The following RAB44 variants were observed in gnomAD, a reference collection of about 807,000 sequenced individuals.
The protein encoded by RAB44 is ras-related protein Rab-44.
Under a neutral mutation model 93.3 loss-of-function variants are expected in RAB44, and 67 were observed. The observed-to-expected ratio is 0.72, with a 90% CI of 0.59 to 0.88. The LOEUF is 0.88. RAB44 is among the 40% of genes least tolerant of loss of function. The probability of loss-of-function intolerance (pLI) is 0.00; values close to 1 mark genes in which losing one functional copy is unlikely to be tolerated. For synonymous variants in RAB44, 427 were observed against 520.3 expected (o/e 0.82, Z 2.44); for missense variants, 1,064 against 1,261.7 (o/e 0.84, Z 2.37).
intron 2 of RAB44, among the ~76,000 whole-genome samples, chr6:36,705,891 T>C (rs181767195): frequency 6.7e-6 from 1 of 149,684 alleles, no homozygotes; most frequent in Admixed American, 6.7e-5. Flanking sequence ...GAAATTTGGA[T>C]TTATGTTGGA....
chr6:36,718,286 C>G (rs954292927), intron 6 of RAB44, among the ~76,000 whole-genome samples, 168 bp downstream of exon 6: 1 of 152,202 alleles, frequency 6.6e-6, no homozygotes, highest in Non-Finnish European at 1.5e-5. Flanking sequence ...TGGGGAGTGT[C>G]GAGCCTGGGC....
rs1166407151 is a variant in RAB44, at chr6:36,715,604, G to T, written c.445G>T (p.Ala149Ser). 3 of 1,536,074 alleles carry T rather than the reference G, an allele frequency of 2.0e-6. No individual in the cohort carries two copies. The highest frequency in any genetic ancestry group is 2.6e-6 in the Non-Finnish European group (3 of 1,146,928). Residue 149 changes from alanine to serine, a missense_variant, in exon 4 of 14, where the codon GCG becomes TCG. Transcript: ENST00000612677. ...GGAGGCGGATGCTGAGGAGAAGGAG[G>T]CGTTCCTTGCCTTCATGGAGCAGCT... ...LEEADAEEKE[A>S]FLAFMEQLGT...
intron 12 of RAB44, among the ~76,000 whole-genome samples, 197 bp from the exon 13 acceptor site, chr6:36,730,476 G>A (rs1318742487): frequency 1.3e-5 from 2 of 152,328 alleles, no homozygotes; most frequent in South Asian, 2.1e-4. Context: ...TTGGCCAGCC[G>A]GGGTGAAGGG....
chr6:36,726,777 G>C (rs1763247727), intron 10 of RAB44, among the ~76,000 whole-genome samples: 1 of 151,664 alleles, frequency 6.6e-6, no homozygotes, highest in African/African-American at 2.4e-5. Flanking sequence ...CAAAGACTGA[G>C]GACTCTCTTT....
chr6:36,719,733 G>A (rs1294410907), intron 7 of RAB44, among the ~76,000 whole-genome samples: 3 of 152,240 alleles, frequency 2.0e-5, no homozygotes, highest in Non-Finnish European at 2.9e-5. Context: ...CTGGAGAAGT[G>A]TGATATGTGG....
intron 2 of RAB44, among the ~76,000 whole-genome samples, chr6:36,705,609 C>T (rs946792156): frequency 6.6e-6 from 1 of 152,142 alleles, no homozygotes; most frequent in African/African-American, 2.4e-5. Flanking sequence ...TCTCGAGCTC[C>T]TGACTTCAGG....
intron 8 of RAB44, 86 bp downstream of exon 8, chr6:36,720,636 C>A: frequency 9.6e-7 from 1 of 1,043,394 alleles, no homozygotes; most frequent in South Asian, 5.0e-5. Flanking sequence ...AAGGATCTAG[C>A]TAGCACACAG....
chr6:36,699,703 C>G (rs150305435), intron 1 of RAB44, among the ~76,000 whole-genome samples: 3 of 152,310 alleles, frequency 2.0e-5, no homozygotes, highest in East Asian at 3.9e-4. Flanking sequence ...CTACCACTGA[C>G]ATCATGGCTG....
rs565860026 is a variant in RAB44, at chr6:36,723,836, C to CAAAAAAAAAAAAAAA, written c.2599+1107_2599+1121dup. On this transcript the variant is annotated intron_variant, in intron 9 of 13. Transcript: ENST00000612677. Reference sequence around the variant, plus strand: ...GGCGACAGAGCAAGATTCCGTCTCCCAAAAAAAAAAAAAAAAAAGCAAACC... The same window carrying CAAAAAAAAAAAAAAA: ...GGCGACAGAGCAAGATTCCGTCTCCCAAAAAAAAAAAAAAAAAAAAAAAAAAAAAAAAAGCAAACC... Among the ~76,000 whole-genome samples, 450 of 64,502 alleles carry CAAAAAAAAAAAAAAA rather than the reference C, an allele frequency of 7.0e-3. 33 individuals carry two copies. The highest frequency in any genetic ancestry group is 0.024 in the East Asian group (52 of 2,150). 42.3% of individuals were successfully genotyped at this position (64,502 alleles called of 152,430 possible).
At chr6:36,718,798 C>T (rs1301634550) in intron 7 of RAB44, among the ~76,000 whole-genome samples, 2 of 152,144 alleles carry the variant, frequency 1.3e-5, no homozygotes, top group Non-Finnish European at 2.9e-5. Context: ...ACTGACCTAG[C>T]TTCCTGCTTA....
chr6:36,725,805 T>C (rs1481179775), intron 9 of RAB44, 57 bp from the exon 10 acceptor site: 2 of 1,271,978 alleles, frequency 1.6e-6, no homozygotes, highest in Non-Finnish European at 2.2e-6. Flanking sequence ...GGGTAGGCCT[T>C]GGCTAGGAGT....
rs368450958 is a variant in RAB44, at chr6:36,725,176, A to AT, written c.2600-675dup. 5.3e-3 allele frequency among the ~76,000 whole-genome samples: 783 copies of AT among 147,168 alleles called. 6 individuals are homozygous for AT. The highest frequency in any genetic ancestry group is 0.013 in the African/African-American group (539 of 40,350). Reference sequence around the variant, plus strand: ...TGCTCTCTGGGTCACTTAAAACAGCATTTTTTTTTTTGAGATGGAGTTTCA... The same window carrying AT: ...TGCTCTCTGGGTCACTTAAAACAGCATTTTTTTTTTTTGAGATGGAGTTTCA... On this transcript the variant is annotated intron_variant, in intron 9 of 13. Transcript: ENST00000612677.
chr6:36,702,943 GA>G (rs927284410), intron 1 of RAB44, among the ~76,000 whole-genome samples: 1 of 152,224 alleles, frequency 6.6e-6, no homozygotes, highest in African/African-American at 2.4e-5. Flanking sequence ...AGGGGGCGGG[GA>G]GCAGTATGGA....
chr6:36,702,638 C>T (rs1450804212), intron 1 of RAB44, among the ~76,000 whole-genome samples: 3 of 152,212 alleles, frequency 2.0e-5, no homozygotes, highest in Non-Finnish European at 4.4e-5. Context: ...CCAAATCCTA[C>T]ATGCCTCCTG....
At chr6:36,707,957 T>C (rs1167511382) in intron 2 of RAB44, among the ~76,000 whole-genome samples, 2 of 152,184 alleles carry the variant, frequency 1.3e-5, no homozygotes, top group African/African-American at 2.4e-5. Context: ...CTGCCTGTAA[T>C]ACCAGGACTT....
chr6:36,722,485 C>A lies in RAB44; in HGVS notation c.2351C>A (p.Ala784Glu). Residue 784 changes from alanine to glutamate, a missense_variant, in exon 9 of 14, where the codon GCA becomes GAA. Coordinates refer to ENST00000612677, the MANE Select transcript of RAB44 (RefSeq NM_001257357.2). ...QPRPSLTTAHAEEQGPPHSRE... is the reference protein window; with the variant it reads ...QPRPSLTTAHEEEQGPPHSRE... ...AGGCCATCCCTCACGACTGCTCACG[C>A]AGAAGAACAAGGCCCGCCTCACTCC... 1 of 1,476,828 alleles carries A rather than the reference C, an allele frequency of 6.8e-7. No homozygotes were observed. The highest frequency in any genetic ancestry group is 1.4e-5 in the South Asian group (1 of 72,428). 91.5% of individuals were successfully genotyped at this position (1,476,828 alleles called of 1,614,324 possible).
intron 2 of RAB44, among the ~76,000 whole-genome samples, chr6:36,713,213 G>C (rs562116264): frequency 6.6e-6 from 1 of 151,990 alleles, no homozygotes; most frequent in Non-Finnish European, 1.5e-5. Flanking sequence ...TTATTTTTTT[G>C]AAACGGAGTT....
intron 3 of RAB44, among the ~76,000 whole-genome samples, chr6:36,714,797 C>G (rs1762874667): frequency 6.6e-6 from 1 of 152,258 alleles, no homozygotes; most frequent in African/African-American, 2.4e-5. Context: ...CTGGAAGCCC[C>G]TTCCTGGGGC....
In RAB44 at chr6:36,717,662, G is replaced by A. The variant is rs1437845123; in HGVS notation, c.641+243G>A. 6.6e-6 allele frequency among the ~76,000 whole-genome samples: 1 copy of A among 151,644 alleles called. No homozygotes were observed. Among genetic ancestry groups the A allele is most frequent in the Admixed American group, 6.6e-5 (1 of 15,248 alleles). ...CCCACTGTGACGCCCAACTCCAGGG[G>A]GCCTGCTCCCGTAGACTGTAATGCA... is the stretch of plus-strand genomic sequence containing the variant. On this transcript the variant is annotated intron_variant, in intron 5 of 13. Coordinates refer to ENST00000612677, the MANE Select transcript of RAB44 (RefSeq NM_001257357.2). The surrounding 1 kb of genome is among the most constrained non-coding windows in gnomAD (Gnocchi z 4.1).
Sources: gnomAD v4.1 joint callset for allele counts (sites outside exome capture counted in the v4.1 genomes callset) on GRCh38, gnomAD v4.1.1 for gene constraint, Gnocchi (gnomAD v3.1) non-coding constraint, MANE v1.5 for transcripts, NCBI Gene and HGNC (gene_info 2026-07-23, HGNC 2026-07-21) for gene names.